ACTN1: variants seen among roughly 807,000 people sequenced by gnomAD.
ACTN1 encodes the protein actinin alpha 1, also known as alpha-actinin-1.
Under a neutral mutation model 119.6 loss-of-function variants are expected in ACTN1, and 30 were observed. That is an observed-to-expected ratio of 0.25 (90% CI 0.19 to 0.34). ACTN1 has a LOEUF of 0.34. ACTN1 is among the 10% of genes least tolerant of loss of function. The pLI is 1.00. For missense variants in ACTN1, 764 were observed against 1,223.4 expected (o/e 0.62, Z 5.60); for synonymous variants, 429 against 472.6 (o/e 0.91, Z 1.20).
chr14:68,978,162 TC>T (rs2037134214), intron 1 of ACTN1: 1 of 455,622 alleles, frequency 2.2e-6, no homozygotes, highest in Admixed American at 2.4e-5. Context: ...GCCCCAAATA[TC>T]CCCTAAGACT....
chr14:68,934,277 C>T (rs936849841), intron 1 of ACTN1, among the ~76,000 whole-genome samples: 3 of 152,232 alleles, frequency 2.0e-5, no homozygotes, highest in Admixed American at 6.5e-5. Flanking sequence ...ATCTGGGAGT[C>T]GGCAAAAGCT....
At chr14:68,931,245 G>A (rs1376838316) in intron 1 of ACTN1, among the ~76,000 whole-genome samples, 1 of 152,244 alleles carries the variant, frequency 6.6e-6, no homozygotes, top group East Asian at 1.9e-4. Flanking sequence ...ACCGCAGCCA[G>A]CATTGGCACA....
At chr14:68,907,117 A>G (rs2033711064) in intron 6 of ACTN1, among the ~76,000 whole-genome samples, 1 of 151,124 alleles carries the variant, frequency 6.6e-6, no homozygotes, top group Admixed American at 6.6e-5. Context: ...TACTAAAAAT[A>G]CAAAAATTAG....
At chr14:68,904,795 A>G in intron 6 of ACTN1, 59 bp from the exon 7 acceptor site, 1 of 1,489,818 alleles carries the variant, frequency 6.7e-7, no homozygotes, top group Non-Finnish European at 9.3e-7. Flanking sequence ...GTCACTGGCT[A>G]CTCCCAATTG....
intron 8 of ACTN1, among the ~76,000 whole-genome samples, chr14:68,901,223 T>G (rs59921822): frequency 0.089 from 13,086 of 147,340 alleles, 765 homozygotes; most frequent in Non-Finnish European, 0.13. Context: ...TTTTGTTTTT[T>G]TTTTGTTTTG....
At position 68,880,998 on chromosome 14, in the gene ACTN1, C is replaced by T. The variant is rs1304701410; in HGVS notation, c.1954-9G>A. Reference sequence around the variant, plus strand: ...GAGATCCTCCCGATCTCCTGCTCACCGGGAAGGAAGCACCTTGTCAGACCA... The same window carrying T: ...GAGATCCTCCCGATCTCCTGCTCACTGGGAAGGAAGCACCTTGTCAGACCA... On this transcript the variant is annotated splice_polypyrimidine_tract_variant and intron_variant, in intron 16 of 21. Coordinates refer to ENST00000394419, the MANE Select transcript of ACTN1 (RefSeq NM_001130004.2). The surrounding 1 kb of genome is among the most constrained non-coding windows in gnomAD (Gnocchi z 4.6). 1.9e-6 allele frequency: 3 copies of T among 1,613,534 alleles called. No homozygotes were observed. Among genetic ancestry groups the T allele is most frequent in the Admixed American group, 1.7e-5 (1 of 60,008 alleles).
intron 8 of ACTN1, among the ~76,000 whole-genome samples, chr14:68,899,371 AC>A (rs1297419571): frequency 8.7e-6 from 1 of 115,574 alleles, no homozygotes; most frequent in East Asian, 2.2e-4. Context: ...CAGTCCCCAC[AC>A]CCCATACACC....
At chr14:68,960,497 A>G (rs1414178852) in intron 1 of ACTN1, among the ~76,000 whole-genome samples, 2 of 152,196 alleles carry the variant, frequency 1.3e-5, no homozygotes, top group African/African-American at 4.8e-5. Flanking sequence ...TTTCAATTTT[A>G]CCTCAATAAA....
At chr14:68,975,119 G>A (rs1182043776) in intron 1 of ACTN1, among the ~76,000 whole-genome samples, 1 of 152,190 alleles carries the variant, frequency 6.6e-6, no homozygotes, top group African/African-American at 2.4e-5. Flanking sequence ...TGGCCTTGCT[G>A]TCCAGAAGGA....
At chr14:68,915,037 T>G (rs997489050) in intron 3 of ACTN1, among the ~76,000 whole-genome samples, 1 of 152,180 alleles carries the variant, frequency 6.6e-6, no homozygotes, top group Non-Finnish European at 1.5e-5. Flanking sequence ...GGTTCCTGAA[T>G]GAATGCACTT....
intron 1 of ACTN1, among the ~76,000 whole-genome samples, chr14:68,961,736 A>G (rs1467235498): frequency 6.6e-6 from 1 of 152,184 alleles, no homozygotes; most frequent in Non-Finnish European, 1.5e-5. Flanking sequence ...ACAACTGGGC[A>G]TCTGGGGAGG....
chr14:68,912,196 G>A lies in ACTN1; in HGVS notation c.387C>T (p.Thr129=). 1 of 1,614,074 alleles carries A rather than the reference G, an allele frequency of 6.2e-7. No homozygotes were observed. Among genetic ancestry groups the A allele is most frequent in the Non-Finnish European group, 8.5e-7 (1 of 1,180,028 alleles). The change falls in exon 4 of 22, where the codon ACC becomes ACT. Residue 129 remains threonine (T), a synonymous_variant. Coordinates refer to ENST00000394419, the MANE Select transcript of ACTN1 (RefSeq NM_001130004.2). ...NVKMTLGMIW[T]IILRFAIQDI... Reference sequence around the variant, plus strand: ...CCTGGATGGCAAAGCGCAGGATGATGGTCCAGATCATGCCCAGGGTCATCT... The same window carrying A: ...CCTGGATGGCAAAGCGCAGGATGATAGTCCAGATCATGCCCAGGGTCATCT...
intron 1 of ACTN1, among the ~76,000 whole-genome samples, chr14:68,934,240 T>C (rs889550422): frequency 1.3e-5 from 2 of 152,122 alleles, no homozygotes; most frequent in Non-Finnish European, 2.9e-5. Context: ...CAGTTAACAC[T>C]CCTGACAGGT....
At chr14:68,895,956 C>T (rs759817094) in intron 8 of ACTN1, among the ~76,000 whole-genome samples, 115 of 152,116 alleles carry the variant, frequency 7.6e-4, no homozygotes, top group Non-Finnish European at 1.5e-3. Context: ...AAGATCCAAC[C>T]GCATTCCCAA....
chr14:68,896,219 G>A (rs566210529), intron 8 of ACTN1, among the ~76,000 whole-genome samples: 3 of 152,046 alleles, frequency 2.0e-5, no homozygotes, highest in East Asian at 1.9e-4. Flanking sequence ...AAAAAACTAC[G>A]GCAGAATCCT....
chr14:68,885,476 G>A lies in ACTN1; in HGVS notation c.1334C>T (p.Ala445Val). 1.9e-6 allele frequency: 3 copies of A among 1,614,050 alleles called. No individual in the cohort carries two copies. The East Asian group carries it at 6.7e-5, about 36-fold the overall frequency. The change falls in exon 12 of 22, where the codon GCT becomes GTT. Residue 445 changes from alanine to valine, a missense_variant. Ala to Val is a moderately conservative substitution (Grantham distance 64, BLOSUM62 0). Transcript: ENST00000394419. This position sits in a 1 kb window ranked among gnomAD's most constrained non-coding sequence, Gnocchi z 5.6. ...CTGCTCCACACGGTCCTGGTGGGCAGCCAGGTCACTCTCGAAGGCCTCATG... is the reference window on the plus strand; with the variant it reads ...CTGCTCCACACGGTCCTGGTGGGCAACCAGGTCACTCTCGAAGGCCTCATG... ...KKHEAFESDL[A>V]AHQDRVEQIA...
chr14:68,929,002 GCACA>G, intron 1 of ACTN1, among the ~76,000 whole-genome samples: 1 of 152,134 alleles, frequency 6.6e-6, no homozygotes, highest in African/African-American at 2.4e-5. Flanking sequence ...TGGAACTGTG[GCACA>G]TTCGTGGGAG....
In ACTN1 at chr14:68,878,788, C is replaced by G; in HGVS notation, c.2361+201G>C. ...CAGCGAGGACGGAAGACAGCGGGCA[C>G]CCAGTAGGTTGCCATGAAAGACAGC... On this transcript the variant is annotated intron_variant, in intron 19 of 21. Coordinates refer to ENST00000394419, the MANE Select transcript of ACTN1 (RefSeq NM_001130004.2). This position sits in a 1 kb window ranked among gnomAD's most constrained non-coding sequence, Gnocchi z 4.4. 6.4e-7 allele frequency: 1 copy of G among 1,573,730 alleles called. No individual in the cohort carries two copies.
In ACTN1 at chr14:68,919,885, G is replaced by T. The variant is rs550937824; in HGVS notation, c.340+1121C>A. ...ATATTTCCAAAAATCCAAATCAGCC[G>T]GACTCGACCCCATGCACTGCAGTTT... On this transcript the variant is annotated intron_variant, in intron 3 of 21. Transcript: ENST00000394419. Among the ~76,000 whole-genome samples the T allele has an allele frequency of 3.3e-5, 5 of 152,258 alleles. No homozygotes were observed. In the East Asian group the frequency reaches 9.7e-4, roughly 29 times the overall value.
Sources: gnomAD v4.1 joint callset for allele counts (sites outside exome capture counted in the v4.1 genomes callset) on GRCh38, gnomAD v4.1.1 for gene constraint, Gnocchi (gnomAD v3.1) non-coding constraint, MANE v1.5 for transcripts, NCBI Gene and HGNC (gene_info 2026-07-23, HGNC 2026-07-21) for gene names.